ZMYND15: variants seen among roughly 807,000 people sequenced by gnomAD.
The protein encoded by ZMYND15 is zinc finger MYND domain-containing protein 15.
ZMYND15 carries 54 observed loss-of-function variants against 81.7 expected under a neutral mutation model. That is an observed-to-expected ratio of 0.66 (90% CI 0.53 to 0.83). The LOEUF is 0.83. Among genes scored for constraint, ZMYND15 ranks in the 40% least tolerant of loss-of-function variants. ZMYND15 has a pLI of 0.00. For missense variants in ZMYND15, 925 were observed against 973.5 expected (o/e 0.95, Z 0.66); for synonymous variants, 399 against 387.0 (o/e 1.03, Z -0.36).
At position 4,743,093 on chromosome 17, in the gene ZMYND15, TAGTC is replaced by T. The variant is rs1186762283; in HGVS notation, c.1145-207_1145-204del. On this transcript the variant is annotated intron_variant, in intron 5 of 13. Transcript: ENST00000433935. This position sits in a 1 kb window ranked among gnomAD's most constrained non-coding sequence, Gnocchi z 4.3. The stretch of plus-strand genomic sequence containing the variant: ...TGTCTCTACAAAAAATAGAAAAAAT[TAGTC>T]AGGCATGGTGCACTCGCTTGTGGTC... Among the ~76,000 whole-genome samples the T allele has an allele frequency of 6.6e-6, 1 of 151,820 alleles. No individual in the cohort carries two copies. Among genetic ancestry groups the T allele is most frequent in the African/African-American group, 2.4e-5 (1 of 41,306 alleles).
At position 4,741,929 on chromosome 17, in the gene ZMYND15, T is replaced by C. The variant is rs753619360; in HGVS notation, c.842T>C (p.Leu281Ser). ...DARLHRELES[L>S]VPRLGVKLAK... is the part of the protein sequence containing the mutation. ...ACTGCATTTAGAGAGCTGGAGAGCT[T>C]GGTCCCAAGGCTAGGTGTGAAGTTA... The change falls in exon 4 of 14, where the codon TTG becomes TCG. Residue 281 changes from leucine to serine, a missense_variant. By Grantham distance (145) the Leu-to-Ser change is moderately radical. Transcript: ENST00000433935. The C allele has an allele frequency of 6.2e-7, 1 of 1,614,112 alleles. No homozygotes were observed. The highest frequency in any genetic ancestry group is 8.5e-7 in the Non-Finnish European group (1 of 1,179,996).
Position 4,745,196 on chromosome 17 carries a change from G to A in ZMYND15, c.1897-19G>A, listed in dbSNP as rs754876128. 7.4e-6 allele frequency: 12 copies of A among 1,613,876 alleles called. No individual in the cohort carries two copies. The highest frequency in any genetic ancestry group is 1.0e-5 in the Non-Finnish European group (12 of 1,179,916). ...GATTTGGGGAGGGGCCTCTCAGAGC[G>A]ACTCTCGCTCCACCCCAGTCCCTCC... On this transcript the variant is annotated intron_variant, in intron 12 of 13. Transcript: ENST00000433935. This position sits in a 1 kb window ranked among gnomAD's most constrained non-coding sequence, Gnocchi z 5.2.
In ZMYND15 at chr17:4,743,856, G is replaced by C; in HGVS notation, c.1378+9G>C. 1 of 1,613,498 alleles carries C rather than the reference G, an allele frequency of 6.2e-7. No homozygotes were observed. The highest frequency in any genetic ancestry group is 8.5e-7 in the Non-Finnish European group (1 of 1,179,760). ...ACCCCGGGGTGTTTTTGGTGAGCTG[G>C]AGGGGCCCTGTGGAAGCTAGGGGTA... is the stretch of plus-strand genomic sequence containing the variant. On this transcript the variant is annotated intron_variant, in intron 7 of 13. Coordinates refer to ENST00000433935, the MANE Select transcript of ZMYND15 (RefSeq NM_001136046.3). This position sits in a 1 kb window ranked among gnomAD's most constrained non-coding sequence, Gnocchi z 4.3.
intron 1 of ZMYND15, 70 bp downstream of exon 1, chr17:4,740,120 C>G: frequency 7.2e-6 from 7 of 974,642 alleles, no homozygotes; most frequent in Non-Finnish European, 8.5e-6. Flanking sequence ...GATCCGAGCC[C>G]AGGGAACCCC....
At position 4,745,714 on chromosome 17, in the gene ZMYND15, CGCCCCCTGGTCCCT is replaced by C. The variant is rs1324300324; in HGVS notation, c.2058-103_2058-90del. ...GGTCCCTGACCGCCCGGTGGAGCCC[CGCCCCCTGGTCCCT>C]GACCGCGCCCCTGGGAGCCCCGACC... On this transcript the variant is annotated intron_variant, in intron 13 of 13. Coordinates refer to ENST00000433935, the MANE Select transcript of ZMYND15 (RefSeq NM_001136046.3). This position sits in a 1 kb window ranked among gnomAD's most constrained non-coding sequence, Gnocchi z 5.2. 9.9e-5 allele frequency: 68 copies of C among 683,514 alleles called. No individual in the cohort carries two copies. Among genetic ancestry groups the C allele is most frequent in the South Asian group, 1.3e-4 (6 of 46,606 alleles). 42.3% of individuals were successfully genotyped at this position (683,514 alleles called of 1,614,324 possible). A position where few individuals can be genotyped will look rare whatever the true frequency, so the allele number is the denominator to read the frequency against.
chr17:4,741,885 T>C lies in ZMYND15; in HGVS notation c.828-30T>C. 1.9e-6 allele frequency: 3 copies of C among 1,608,146 alleles called. No homozygotes were observed. In the South Asian group the frequency reaches 3.3e-5, roughly 18 times the overall value. On this transcript the variant is annotated intron_variant, in intron 3 of 13. Transcript: ENST00000433935. ...GGATTCCCAAGCACCTCCTCCAGCC[T>C]GATGCCATCTCCCCCCCAACTGCAT...
chr17:4,740,868 T>A lies in ZMYND15; in HGVS notation c.320T>A (p.Val107Asp). 6.4e-7 allele frequency: 1 copy of A among 1,573,862 alleles called. No homozygotes were observed. The highest frequency in any genetic ancestry group is 8.6e-7 in the Non-Finnish European group (1 of 1,158,138). Residue 107 changes from valine (V) to aspartate (D), a missense_variant, in exon 2 of 14, where the codon GTC becomes GAC. Val to Asp is a radical substitution (Grantham distance 152). Coordinates refer to ENST00000433935, the MANE Select transcript of ZMYND15 (RefSeq NM_001136046.3). ...LRDLSPYISF[V>D]SLEDGEEGEE... ...GACCTGAGCCCCTACATCAGCTTTG[T>A]CAGCCTAGAGGATGGGGAGGAAGGG...
At position 4,743,564 on chromosome 17, in the gene ZMYND15, C is replaced by T. The variant is rs1916529485; in HGVS notation, c.1297+109C>T. ...CCACATACACACTGACCCCTACCAA[C>T]AGCACCAGGGCCATTTCAGGCCTTT... is the stretch of plus-strand genomic sequence containing the variant. On this transcript the variant is annotated intron_variant, in intron 6 of 13. Transcript: ENST00000433935. This position sits in a 1 kb window ranked among gnomAD's most constrained non-coding sequence, Gnocchi z 4.3. 8.0e-6 allele frequency: 12 copies of T among 1,492,436 alleles called. 1 individual carries two copies. The South Asian group carries it at 1.3e-4, about 16-fold the overall frequency. 92.4% of individuals were successfully genotyped at this position (1,492,436 alleles called of 1,614,324 possible). A position where few individuals can be genotyped will look rare whatever the true frequency, so the allele number is the denominator to read the frequency against.
Position 4,743,290 on chromosome 17 carries a change from T to G in ZMYND15, c.1145-13T>G. 1.3e-6 allele frequency: 2 copies of G among 1,528,824 alleles called. No homozygotes were observed. Among genetic ancestry groups the G allele is most frequent in the Non-Finnish European group, 1.8e-6 (2 of 1,119,524 alleles). 94.7% of individuals were successfully genotyped at this position (1,528,824 alleles called of 1,614,324 possible). A position where few individuals can be genotyped will look rare whatever the true frequency, so the allele number is the denominator to read the frequency against. On this transcript the variant is annotated splice_polypyrimidine_tract_variant and intron_variant, in intron 5 of 13. Coordinates refer to ENST00000433935, the MANE Select transcript of ZMYND15 (RefSeq NM_001136046.3). This position sits in a 1 kb window ranked among gnomAD's most constrained non-coding sequence, Gnocchi z 4.3. ...AGCCCAGCACCTCAACTCCTCCCCT[T>G]CTCCTTCTCCAGAGGTGACCAGTGA... is the stretch of plus-strand genomic sequence containing the variant.
chr17:4,741,990 A>G lies in ZMYND15; in HGVS notation c.903A>G (p.Pro301=). ...CAATGCGGACATGGGGTCCCCGGCC[A>G]GGCTTCACCTTTGCTTCCCTTCGTG... is the stretch of plus-strand genomic sequence containing the variant. ...KTPMRTWGPR[P]GFTFASLRAR... Residue 301 remains proline, a synonymous_variant, in exon 4 of 14, where the codon CCA becomes CCG. Transcript: ENST00000433935. 1 of 1,614,192 alleles carries G rather than the reference A, an allele frequency of 6.2e-7. No individual in the cohort carries two copies. The highest frequency in any genetic ancestry group is 8.5e-7 in the Non-Finnish European group (1 of 1,180,034).
In ZMYND15 at chr17:4,746,027, T is replaced by G; in HGVS notation, c.*37T>G. The stretch of plus-strand genomic sequence containing the variant: ...CTAGTAGTCCCCAGCTCCCAAACAC[T>G]GAAAGGAAAACGTGAAAACACTCAA... On this transcript the variant is annotated 3_prime_UTR_variant, in exon 14 of 14. Coordinates refer to ENST00000433935, the MANE Select transcript of ZMYND15 (RefSeq NM_001136046.3). 1 of 1,395,418 alleles carries G rather than the reference T, an allele frequency of 7.2e-7. No individual in the cohort carries two copies. Among genetic ancestry groups the G allele is most frequent in the Non-Finnish European group, 9.3e-7 (1 of 1,074,046 alleles). 86.4% of individuals were successfully genotyped at this position (1,395,418 alleles called of 1,614,324 possible).
chr17:4,744,488 G>C lies in ZMYND15; in HGVS notation c.1683+21G>C. The C allele has an allele frequency of 1.9e-6, 3 of 1,613,734 alleles. No individual in the cohort carries two copies. Among genetic ancestry groups the C allele is most frequent in the Admixed American group, 1.7e-5 (1 of 60,020 alleles). ...AGAGGGTGAGGGCTGAGGGGGCCCT[G>C]CTTTTCAGCCCTGACCCCTCCAGTG... On this transcript the variant is annotated intron_variant, in intron 10 of 13. Transcript: ENST00000433935. This position sits in a 1 kb window ranked among gnomAD's most constrained non-coding sequence, Gnocchi z 4.1.
Position 4,745,982 on chromosome 17 carries a change from C to A in ZMYND15, c.2221C>A (p.Arg741=). 6.9e-7 allele frequency: 1 copy of A among 1,440,524 alleles called. No homozygotes were observed. The highest frequency in any genetic ancestry group is 9.1e-7 in the Non-Finnish European group (1 of 1,101,462). 89.2% of individuals were successfully genotyped at this position (1,440,524 alleles called of 1,614,324 possible). A position where few individuals can be genotyped will look rare whatever the true frequency, so the allele number is the denominator to read the frequency against. The change falls in exon 14 of 14, where the codon CGG becomes AGG. Residue 741 remains arginine (R), a synonymous_variant. Coordinates refer to ENST00000433935, the MANE Select transcript of ZMYND15 (RefSeq NM_001136046.3). This position sits in a 1 kb window ranked among gnomAD's most constrained non-coding sequence, Gnocchi z 5.2. ...EKKPGRGARR[R]K is the part of the protein sequence containing the mutation. The stretch of plus-strand genomic sequence containing the variant: ...GAAACCTGGGCGGGGGGCCCGCCGG[C>A]GGAAATGAATGCTGATACCCTAGTA...
At chr17:4,741,482 C>T in intron 2 of ZMYND15, 100 bp from the exon 3 acceptor site, 1 of 1,325,494 alleles carries the variant, frequency 7.5e-7, no homozygotes. Context: ...AGTGAGGTTA[C>T]TTGCCTAGCC....
In ZMYND15 at chr17:4,741,823, A is replaced by T; in HGVS notation, c.827+7A>T. The T allele has an allele frequency of 1.3e-6, 2 of 1,576,204 alleles. No homozygotes were observed. The highest frequency in any genetic ancestry group is 1.7e-6 in the Non-Finnish European group (2 of 1,159,582). ...GAGATGCCCGGCTGCATCGGTATAG[A>T]AATCTGGTATCTGAGGCTGGGGAGG... is the stretch of plus-strand genomic sequence containing the variant. On this transcript the variant is annotated splice_region_variant and intron_variant, in intron 3 of 13. Coordinates refer to ENST00000433935, the MANE Select transcript of ZMYND15 (RefSeq NM_001136046.3).
chr17:4,743,632 A>G lies in ZMYND15; in HGVS notation c.1298-135A>G. 1.6e-6 allele frequency: 2 copies of G among 1,267,306 alleles called. No individual in the cohort carries two copies. The highest frequency in any genetic ancestry group is 1.5e-5 in the South Asian group (1 of 68,270). 78.5% of individuals were successfully genotyped at this position (1,267,306 alleles called of 1,614,324 possible). On this transcript the variant is annotated intron_variant, in intron 6 of 13. Coordinates refer to ENST00000433935, the MANE Select transcript of ZMYND15 (RefSeq NM_001136046.3). This position sits in a 1 kb window ranked among gnomAD's most constrained non-coding sequence, Gnocchi z 4.3. ...TCACCCCTACCAACTCCACCCAGAA[A>G]CCCCATCCCTATGCAAACCCCCATT...
chr17:4,742,159 G>C, intron 4 of ZMYND15, 89 bp downstream of exon 4: 2 of 1,572,178 alleles, frequency 1.3e-6, no homozygotes, highest in South Asian at 2.3e-5. Context: ...GCAGACAGAA[G>C]GAGAGGCAGG....
chr17:4,743,879 G>A lies in ZMYND15; in HGVS notation c.1378+32G>A, dbSNP rs748589743. On this transcript the variant is annotated intron_variant, in intron 7 of 13. Transcript: ENST00000433935. This position sits in a 1 kb window ranked among gnomAD's most constrained non-coding sequence, Gnocchi z 4.3. The stretch of plus-strand genomic sequence containing the variant: ...TGGAGGGGCCCTGTGGAAGCTAGGG[G>A]TAGGGCCAGGGACTGGAGAACCAGA... 26 of 1,610,430 alleles carry A rather than the reference G, an allele frequency of 1.6e-5. No individual in the cohort carries two copies. Among genetic ancestry groups the A allele is most frequent in the Middle Eastern group, 1.7e-4 (1 of 6,040 alleles).
At chr17:4,740,098 G>C (rs1486514473) in intron 1 of ZMYND15, 48 bp downstream of exon 1, 1 of 984,450 alleles carries the variant, frequency 1.0e-6, no homozygotes, top group Non-Finnish European at 1.2e-6. Context: ...TACCGGGGCT[G>C]CCCGCCACGC....
Sources: gnomAD v4.1 joint callset for allele counts (sites outside exome capture counted in the v4.1 genomes callset) on GRCh38, gnomAD v4.1.1 for gene constraint, Gnocchi (gnomAD v3.1) non-coding constraint, MANE v1.5 for transcripts, NCBI Gene and HGNC (gene_info 2026-07-23, HGNC 2026-07-21) for gene names.